Variants in PIP5K1B observed in about 807,000 individuals in gnomAD.
PIP5K1B encodes the protein phosphatidylinositol 4-phosphate 5-kinase type-1 beta.
A neutral mutation model predicts 67.0 loss-of-function variants in PIP5K1B; 42 were observed. The ratio of observed to expected loss-of-function variants is 0.63; its 90% CI spans 0.49 to 0.81. PIP5K1B has a LOEUF of 0.81. Among genes scored for constraint, PIP5K1B ranks in the 30% least tolerant of loss-of-function variants. The pLI is 0.00. For missense variants in PIP5K1B, 459 were observed against 646.3 expected, an observed-to-expected ratio of 0.71 and a Z score of 3.14; for synonymous variants, 214 against 231.4, an observed-to-expected ratio of 0.92 and a Z score of 0.68.
chr9:68,710,894 A>G (rs971850714), intron 1 of PIP5K1B, among the ~76,000 whole-genome samples: 28 of 152,224 alleles, frequency 1.8e-4, no homozygotes, highest in African/African-American at 5.8e-4. Flanking sequence ...TAGAAAATCA[A>G]TTGTGAAATT....
chr9:68,882,239 G>A (rs986135526), intron 6 of PIP5K1B, among the ~76,000 whole-genome samples: 2 of 152,136 alleles, frequency 1.3e-5, no homozygotes, highest in Non-Finnish European at 2.9e-5. Context: ...GCTCTTAAGA[G>A]GCAATGTTGC....
intron 1 of PIP5K1B, among the ~76,000 whole-genome samples, chr9:68,734,766 C>A (rs1274784658): frequency 6.6e-6 from 1 of 152,188 alleles, no homozygotes; most frequent in African/African-American, 2.4e-5. Context: ...GATGGAGGAA[C>A]TATTCTGCAG....
chr9:68,760,945 A>C (rs1159498347), intron 2 of PIP5K1B, among the ~76,000 whole-genome samples: 1 of 152,060 alleles, frequency 6.6e-6, no homozygotes, highest in Non-Finnish European at 1.5e-5. Flanking sequence ...GATGGTTGTA[A>C]TCTGGCAGAT....
chr9:68,856,927 G>A (rs1003127254), intron 4 of PIP5K1B, among the ~76,000 whole-genome samples: 1 of 152,216 alleles, frequency 6.6e-6, no homozygotes. Context: ...ACACTTGGCA[G>A]GTGTGATTAA....
Position 68,889,040 on chromosome 9 carries a change from G to A in PIP5K1B, c.378G>A (p.Leu126=). ...CTAACCCTGGAGCCAGTGGATCCTT[G>A]TTTTTTGTGACCAGTGATGATGAAT... ...ELSNPGASGS[L]FFVTSDDEFI... The change falls in exon 7 of 16, where the codon TTG becomes TTA. Residue 126 remains leucine (L), a synonymous_variant. Coordinates refer to ENST00000265382, the MANE Select transcript of PIP5K1B (RefSeq NM_003558.4). The A allele has an allele frequency of 6.2e-7, 1 of 1,612,892 alleles. No individual in the cohort carries two copies. The highest frequency in any genetic ancestry group is 8.5e-7 in the Non-Finnish European group (1 of 1,178,966).
At chr9:68,848,437 C>T (rs1232518721) in intron 4 of PIP5K1B, among the ~76,000 whole-genome samples, 1 of 152,218 alleles carries the variant, frequency 6.6e-6, no homozygotes, top group East Asian at 1.9e-4. Context: ...ACCCCCACTT[C>T]ACCCACAAGC....
intron 4 of PIP5K1B, among the ~76,000 whole-genome samples, chr9:68,841,807 AAAG>A (rs2132157209): frequency 1.3e-5 from 2 of 152,360 alleles, no homozygotes; most frequent in African/African-American, 2.4e-5. Flanking sequence ...ATTAATTTAG[AAAG>A]AAGAAGGATT....
chr9:68,863,305 C>A (rs1823196025), intron 4 of PIP5K1B, among the ~76,000 whole-genome samples: 1 of 152,168 alleles, frequency 6.6e-6, no homozygotes, highest in Admixed American at 6.5e-5. Flanking sequence ...AAAAGTATGA[C>A]ACACTTCACC....
intron 2 of PIP5K1B, among the ~76,000 whole-genome samples, chr9:68,771,481 A>G (rs62552128): frequency 0.11 from 16,590 of 152,240 alleles, 1,096 homozygotes; most frequent in Non-Finnish European, 0.16. Flanking sequence ...GGAGTGATGA[A>G]TAAGAGCTCA....
At chr9:68,899,966 T>G (rs1825280810) in intron 8 of PIP5K1B, among the ~76,000 whole-genome samples, 1 of 152,216 alleles carries the variant, frequency 6.6e-6, no homozygotes, top group African/African-American at 2.4e-5. Context: ...TTCTACTTTA[T>G]GTTCACATGT....
chr9:68,737,500 A>C (rs1828796549), intron 1 of PIP5K1B, among the ~76,000 whole-genome samples: 1 of 152,198 alleles, frequency 6.6e-6, no homozygotes, highest in African/African-American at 2.4e-5. Context: ...TGTTACTAAA[A>C]GGGATTTGGA....
chr9:68,955,024 A>C (rs1377696669), intron 14 of PIP5K1B, among the ~76,000 whole-genome samples: 3 of 151,560 alleles, frequency 2.0e-5, no homozygotes, highest in Non-Finnish European at 4.4e-5. Flanking sequence ...AATAGAAAGC[A>C]AATGGTATTC....
intron 13 of PIP5K1B, among the ~76,000 whole-genome samples, chr9:68,940,120 G>A (rs1311805492): frequency 2.0e-5 from 3 of 152,202 alleles, no homozygotes. Flanking sequence ...CCTGGATAAT[G>A]TTTAAAAGTA....
rs551611674 is a variant in PIP5K1B at position 68,952,628 on chromosome 9, T to C, written c.1502+11838T>C. On this transcript the variant is annotated intron_variant, in intron 14 of 15. Transcript: ENST00000265382. ...TCTTTATTCTAACCCTAACACTTGA[T>C]TGATAGATTAACTAGTATAGAATTC... Among the ~76,000 whole-genome samples the C allele has an allele frequency of 3.3e-5, 5 of 152,354 alleles. No individual in the cohort carries two copies. The South Asian group carries it at 1.0e-3, about 32-fold the overall frequency.
intron 14 of PIP5K1B, among the ~76,000 whole-genome samples, chr9:68,969,159 G>C (rs1199308552): frequency 6.6e-6 from 1 of 152,050 alleles, no homozygotes; most frequent in African/African-American, 2.4e-5. Flanking sequence ...ACGAGGCCAG[G>C]AGATCGAGAC....
At position 68,863,877 on chromosome 9, in the gene PIP5K1B, T is replaced by C; in HGVS notation, c.110T>C (p.Ile37Thr). ...ATTAAAGGTGCTATTCAGCTGGGAA[T>C]AGGATACACAGTGGGTAATCTCACT... ...SAIKGAIQLGIGYTVGNLTSK... is the reference protein window; with the variant it reads ...SAIKGAIQLGTGYTVGNLTSK... Residue 37 changes from isoleucine to threonine, a missense_variant, in exon 5 of 16, where the codon ATA (isoleucine) becomes ACA (threonine). By Grantham distance (89) the Ile-to-Thr change is moderately conservative. Around this residue, in one of 2 missense-constraint regions of PIP5K1B, gnomAD observed 290 missense variants for 474.4 expected, o/e 0.61. Coordinates refer to ENST00000265382, the MANE Select transcript of PIP5K1B (RefSeq NM_003558.4). 6.2e-7 allele frequency: 1 copy of C among 1,613,696 alleles called. No individual in the cohort carries two copies. Among genetic ancestry groups the C allele is most frequent in the Non-Finnish European group, 8.5e-7 (1 of 1,179,588 alleles).
intron 2 of PIP5K1B, among the ~76,000 whole-genome samples, chr9:68,795,242 A>G (rs752808496): frequency 6.6e-6 from 1 of 152,070 alleles, no homozygotes; most frequent in Non-Finnish European, 1.5e-5. Flanking sequence ...TCCACACCTA[A>G]CCTTGTGACT....
intron 11 of PIP5K1B, among the ~76,000 whole-genome samples, chr9:68,921,945 C>A (rs1826427176): frequency 6.6e-6 from 1 of 152,082 alleles, no homozygotes; most frequent in Non-Finnish European, 1.5e-5. Context: ...TATCATGAAC[C>A]TATTTTTGTT....
intron 4 of PIP5K1B, 129 bp from the exon 5 acceptor site, chr9:68,863,708 C>T (rs1161278482): frequency 2.9e-6 from 2 of 690,590 alleles, no homozygotes; most frequent in East Asian, 5.6e-5. Flanking sequence ...ATCATCTTGC[C>T]AAACCTCAGC....
Sources: allele counts gnomAD v4.1 joint callset (sites outside exome capture counted in the v4.1 genomes callset), GRCh38; gene constraint gnomAD v4.1.1; regional missense constraint gnomAD v4.1.1; transcripts MANE v1.5; gene names NCBI Gene and HGNC (gene_info 2026-07-23, HGNC 2026-07-21).